SERPINE2: variants seen among roughly 807,000 people sequenced by gnomAD.
The protein encoded by SERPINE2 is serpin family E member 2, also known as glia-derived nexin.
SERPINE2 carries 14 observed loss-of-function variants against 36.3 expected under a neutral mutation model. The observed-to-expected ratio is 0.39, with a 90% CI of 0.25 to 0.60. The LOEUF (loss-of-function observed/expected upper bound fraction) is 0.60. Ranked by LOEUF, SERPINE2 falls within the 20% of genes least tolerant of loss-of-function variation. The probability of loss-of-function intolerance (pLI) is 0.57; values close to 1 mark genes in which losing one functional copy is unlikely to be tolerated. For missense variants in SERPINE2, 418 were observed against 499.6 expected (o/e 0.84, Z 1.56); for synonymous variants, 192 against 191.8 (o/e 1.00, Z -0.01).
intron 1 of SERPINE2, 122 bp from the exon 2 acceptor site, chr2:224,002,044 T>G: frequency 1.1e-6 from 1 of 896,756 alleles, no homozygotes; most frequent in South Asian, 1.8e-5. Flanking sequence ...TGGTGCCATC[T>G]CAGCTCACTG....
chr2:224,021,480 G>C (rs1691996915), intron 1 of SERPINE2, among the ~76,000 whole-genome samples: 1 of 152,238 alleles, frequency 6.6e-6, no homozygotes, highest in South Asian at 2.1e-4. Context: ...ACAGATGACA[G>C]AAATCCTTAA....
At chr2:224,033,905 C>A (rs1692456266) in intron 1 of SERPINE2, among the ~76,000 whole-genome samples, 1 of 152,096 alleles carries the variant, frequency 6.6e-6, no homozygotes, top group African/African-American at 2.4e-5. Flanking sequence ...TGTTTTATCT[C>A]AAAAGACAAG....
Position 223,977,568 on chromosome 2 carries a change from A to C in SERPINE2, c.1132T>G (p.Phe378Val), listed in dbSNP as rs1690060873. 6.2e-7 allele frequency: 1 copy of C among 1,612,836 alleles called. No homozygotes were observed. The highest frequency in any genetic ancestry group is 1.3e-5 in the African/African-American group (1 of 75,016). ...PWFIVDRPFL[F>V]FIRHNPTGAV... ...CCTGTAGGATTATGTCGGATGAAAA[A>C]CAGAAAAGGTCTGTCTACTATAAAC... The change falls in exon 8 of 9, where the codon TTT (phenylalanine) becomes GTT (valine). Residue 378 changes from phenylalanine (F) to valine (V), a missense_variant. Coordinates refer to ENST00000409304, the MANE Select transcript of SERPINE2 (RefSeq NM_001136528.2).
At chr2:223,983,157 A>G (rs1179261178) in intron 5 of SERPINE2, among the ~76,000 whole-genome samples, 1 of 152,236 alleles carries the variant, frequency 6.6e-6, no homozygotes, top group Non-Finnish European at 1.5e-5. Context: ...ATATCCAACT[A>G]AAGTTCTCCA....
chr2:224,032,463 A>C (rs1408665429), intron 1 of SERPINE2, among the ~76,000 whole-genome samples: 3 of 152,162 alleles, frequency 2.0e-5, no homozygotes. Flanking sequence ...TCTCAAGAGA[A>C]ATTCCCCAGG....
At chr2:224,003,845 T>C (rs1473831872) in intron 1 of SERPINE2, among the ~76,000 whole-genome samples, 2 of 152,088 alleles carry the variant, frequency 1.3e-5, no homozygotes, top group Non-Finnish European at 2.9e-5. Flanking sequence ...TGTGGGAGGT[T>C]AGGGGTGACT....
At position 224,038,579 on chromosome 2, in the gene SERPINE2, A is replaced by G. The variant is rs1405441941; in HGVS notation, c.-23+520T>C. The G allele has an allele frequency of 3.5e-6, 5 of 1,425,532 alleles. No homozygotes were observed. The African/African-American group carries it at 7.1e-5, about 20-fold the overall frequency. 88.3% of individuals were successfully genotyped at this position (1,425,532 alleles called of 1,614,324 possible). A position where few individuals can be genotyped will look rare whatever the true frequency, so the allele number is the denominator to read the frequency against. On this transcript the variant is annotated intron_variant, in intron 1 of 8. Transcript: ENST00000409304. ...TCGCTCGGGTTAAATCGGCTGCCAG[A>G]GGCCAAGTTAAAGGCTTTCCCCACA...
chr2:224,031,027 G>A, intron 1 of SERPINE2: 1 of 985,372 alleles, frequency 1.0e-6, no homozygotes, highest in Non-Finnish European at 1.2e-6. Context: ...GTGATACTAG[G>A]GCTATCACGC....
At chr2:223,994,491 T>C (rs535155602) in intron 3 of SERPINE2, among the ~76,000 whole-genome samples, 5 of 152,300 alleles carry the variant, frequency 3.3e-5, no homozygotes, top group Admixed American at 2.6e-4. Context: ...CATCCATCCA[T>C]CCATCCTTGG....
At chr2:224,024,264 A>C (rs1692109268) in intron 1 of SERPINE2, among the ~76,000 whole-genome samples, 1 of 152,146 alleles carries the variant, frequency 6.6e-6, no homozygotes, top group African/African-American at 2.4e-5. Context: ...AGAAAATCTC[A>C]AAAAAATTTT....
At chr2:223,978,712 G>A (rs1690109520) in intron 7 of SERPINE2, 1 of 152,184 alleles carries the variant, frequency 6.6e-6, no homozygotes, top group African/African-American at 2.4e-5. Context: ...TGTTATAAAG[G>A]AAACAGCTGC....
chr2:223,984,663 T>C (rs1007397403), intron 5 of SERPINE2, 89 bp downstream of exon 5: 3 of 1,222,766 alleles, frequency 2.5e-6, no homozygotes, highest in South Asian at 1.4e-5. Context: ...TGATGTGCCA[T>C]ATTTTCGCCT....
chr2:224,012,258 T>C (rs956252601), intron 1 of SERPINE2, among the ~76,000 whole-genome samples: 1 of 152,188 alleles, frequency 6.6e-6, no homozygotes, highest in African/African-American at 2.4e-5. Flanking sequence ...GCTCAGGGAT[T>C]GCTTCTGGGA....
intron 1 of SERPINE2, among the ~76,000 whole-genome samples, chr2:224,026,264 T>C (rs889334465): frequency 3.3e-5 from 5 of 152,266 alleles, no homozygotes; most frequent in Admixed American, 1.3e-4. Flanking sequence ...TCTTCCATCA[T>C]GTTTGAGTCA....
intron 1 of SERPINE2, among the ~76,000 whole-genome samples, chr2:224,035,552 A>G (rs1167264307): frequency 6.6e-6 from 1 of 152,036 alleles, no homozygotes; most frequent in Admixed American, 6.6e-5. Flanking sequence ...TATTTTTAGT[A>G]GAGACGCGGT....
chr2:224,006,237 C>T (rs1691418033), intron 1 of SERPINE2, among the ~76,000 whole-genome samples: 1 of 152,216 alleles, frequency 6.6e-6, no homozygotes, highest in Admixed American at 6.5e-5. Context: ...AATTGCAGTG[C>T]TATACTTTCA....
chr2:224,031,364 C>G lies in SERPINE2; in HGVS notation c.-23+7735G>C, dbSNP rs191766471. On this transcript the variant is annotated intron_variant, in intron 1 of 8. Coordinates refer to ENST00000409304, the MANE Select transcript of SERPINE2 (RefSeq NM_001136528.2). ...TCAGCATCTAGCTGAGAGGCAGGCA[C>G]GAGGCTCTAGGAGACCACATAGAGA... 9.1e-4 allele frequency: 895 copies of G among 985,368 alleles called. 2 individuals carry two copies. Among genetic ancestry groups the G allele is most frequent in the Middle Eastern group, 7.8e-3 (15 of 1,916 alleles). 61.0% of individuals were successfully genotyped at this position (985,368 alleles called of 1,614,324 possible).
At chr2:224,021,313 C>T (rs751018631) in intron 1 of SERPINE2, among the ~76,000 whole-genome samples, 19 of 152,160 alleles carry the variant, frequency 1.2e-4, no homozygotes, top group Non-Finnish European at 2.5e-4. Context: ...TGATCATCTT[C>T]CATTTCAAAC....
chr2:224,001,988 T>C (rs1437072573), intron 1 of SERPINE2, 66 bp from the exon 2 acceptor site: 3 of 1,398,150 alleles, frequency 2.1e-6, no homozygotes, highest in East Asian at 5.0e-5. Context: ...TTTTTTTTTT[T>C]TTCCCCCAGA....
Sources: gnomAD v4.1 joint callset for allele counts (sites outside exome capture counted in the v4.1 genomes callset) on GRCh38, gnomAD v4.1.1 for gene constraint, MANE v1.5 for transcripts, NCBI Gene and HGNC (gene_info 2026-07-23, HGNC 2026-07-21) for gene names.